Variants in EPHA3 observed in about 807,000 individuals in gnomAD.
EPHA3 encodes the protein EPH receptor A3.
In EPHA3, 42 loss-of-function variants were observed where a neutral mutation model predicts 107.1. That is an observed-to-expected ratio of 0.39 (90% CI 0.31 to 0.51). The LOEUF (loss-of-function observed/expected upper bound fraction) is 0.51. Ranked by LOEUF, EPHA3 falls within the 20% of genes least tolerant of loss-of-function variation. The probability of loss-of-function intolerance (pLI) is 0.78; values close to 1 mark genes in which losing one functional copy is unlikely to be tolerated. For synonymous variants in EPHA3, 461 were observed against 424.8 expected (o/e 1.09, Z -1.05); for missense variants, 1,183 against 1,211.2 (o/e 0.98, Z 0.35).
chr3:89,165,419 C>A (rs1705040219), intron 2 of EPHA3, among the ~76,000 whole-genome samples: 1 of 152,126 alleles, frequency 6.6e-6, no homozygotes, highest in Admixed American at 6.6e-5. Flanking sequence ...AAATGCAATG[C>A]AATGCAAATA....
intron 2 of EPHA3, among the ~76,000 whole-genome samples, chr3:89,183,230 C>A (rs1705485256): frequency 6.6e-6 from 1 of 151,930 alleles, no homozygotes; most frequent in African/African-American, 2.4e-5. Context: ...ATATTGTACA[C>A]ACAATTGAAA....
intron 3 of EPHA3, among the ~76,000 whole-genome samples, chr3:89,333,670 C>T (rs896465114): frequency 9.2e-5 from 14 of 151,970 alleles, no homozygotes; most frequent in Non-Finnish European, 1.6e-4. Flanking sequence ...GTCAGGAGTT[C>T]GAGACCAGCC....
At chr3:89,295,398 G>A (rs908586387) in intron 3 of EPHA3, among the ~76,000 whole-genome samples, 1 of 147,358 alleles carries the variant, frequency 6.8e-6, no homozygotes, top group East Asian at 2.0e-4. Flanking sequence ...CTTCAGCTGT[G>A]GCAATTTCTC....
At chr3:89,438,699 T>C (rs1054837923) in intron 13 of EPHA3, among the ~76,000 whole-genome samples, 3 of 152,184 alleles carry the variant, frequency 2.0e-5, no homozygotes, top group Admixed American at 6.5e-5. Context: ...GTCCTTCATA[T>C]AGTAACAGTA....
At chr3:89,255,316 T>C (rs964310938) in intron 3 of EPHA3, among the ~76,000 whole-genome samples, 1 of 152,194 alleles carries the variant, frequency 6.6e-6, no homozygotes, top group African/African-American at 2.4e-5. Context: ...TCTGGTTTCC[T>C]ATATCATGGC....
At chr3:89,322,542 G>A (rs933029597) in intron 3 of EPHA3, among the ~76,000 whole-genome samples, 5 of 152,082 alleles carry the variant, frequency 3.3e-5, no homozygotes, top group African/African-American at 1.2e-4. Flanking sequence ...TGTAAATGAA[G>A]GCTCCTTCCA....
chr3:89,316,508 ATATAT>A (rs1706908622), intron 3 of EPHA3, among the ~76,000 whole-genome samples: 80 of 62,792 alleles, frequency 1.3e-3, no homozygotes, highest in African/African-American at 6.0e-3. Context: ...TGTGTGTAAT[ATATAT>A]ATATATATAT....
chr3:89,146,062 T>C (rs1704551133), intron 2 of EPHA3, among the ~76,000 whole-genome samples: 1 of 151,902 alleles, frequency 6.6e-6, no homozygotes, highest in Non-Finnish European at 1.5e-5. Context: ...AACAGAGGTC[T>C]GAAAACATTA....
At chr3:89,266,489 A>G (rs1010104188) in intron 3 of EPHA3, among the ~76,000 whole-genome samples, 3 of 152,174 alleles carry the variant, frequency 2.0e-5, no homozygotes, top group Non-Finnish European at 2.9e-5. Context: ...CAATTTTAGC[A>G]TAACACATAA....
chr3:89,276,728 G>A (rs966757354), intron 3 of EPHA3, among the ~76,000 whole-genome samples: 4 of 151,958 alleles, frequency 2.6e-5, no homozygotes, highest in African/African-American at 9.7e-5. Flanking sequence ...ATTCTAATCC[G>A]AATAGCCTTC....
chr3:89,240,706 A>AT lies in EPHA3; in HGVS notation c.814+30193dup, dbSNP rs1385278077. On this transcript the variant is annotated intron_variant, in intron 3 of 16. Coordinates refer to ENST00000336596, the MANE Select transcript of EPHA3 (RefSeq NM_005233.6). ...CATTCGCATTCTAGTTAAAATTATG[A>AT]TTTTTTTGTCTATCTAACTAAACTA... is the stretch of plus-strand genomic sequence containing the variant. Among the ~76,000 whole-genome samples, 5 of 152,088 alleles carry AT rather than the reference A, an allele frequency of 3.3e-5. 1 individual carries two copies. The highest frequency in any genetic ancestry group is 4.1e-4 in the South Asian group (2 of 4,830).
chr3:89,449,293 C>A lies in EPHA3; in HGVS notation c.2415C>A (p.Ser805Arg), dbSNP rs754293208. ...AIAYRKFTSASDVWSYGIVLW... is the reference protein window; with the variant it reads ...AIAYRKFTSARDVWSYGIVLW... ...CCTACCGCAAGTTCACGTCAGCCAG[C>A]GATGTATGGAGTTATGGGATTGTTC... is the stretch of plus-strand genomic sequence containing the variant. Residue 805 changes from serine (S) to arginine (R), a missense_variant, in exon 14 of 17, where the codon AGC (serine) becomes AGA (arginine). Coordinates refer to ENST00000336596, the MANE Select transcript of EPHA3 (RefSeq NM_005233.6). 1.2e-6 allele frequency: 2 copies of A among 1,612,190 alleles called. No individual in the cohort carries two copies. Among genetic ancestry groups the A allele is most frequent in the Non-Finnish European group, 1.7e-6 (2 of 1,178,832 alleles).
chr3:89,179,683 G>A (rs199709378), intron 2 of EPHA3, among the ~76,000 whole-genome samples: 5 of 127,514 alleles, frequency 3.9e-5, no homozygotes, highest in Non-Finnish European at 5.1e-5. Context: ...AAAAAAAAAA[G>A]ATCTTCAAAA....
intron 3 of EPHA3, among the ~76,000 whole-genome samples, chr3:89,278,064 A>G (rs1420315861): frequency 6.6e-6 from 1 of 152,144 alleles, no homozygotes; most frequent in Non-Finnish European, 1.5e-5. Context: ...TACTTTCTGC[A>G]AGTTGCCTTT....
At chr3:89,342,852 TACACATACACACACACACAC>T (rs893670944) in intron 5 of EPHA3, among the ~76,000 whole-genome samples, 14 of 129,800 alleles carry the variant, frequency 1.1e-4, no homozygotes, top group African/African-American at 4.8e-4. Context: ...GTCTTATTTT[TACACATACACACACACACAC>T]ACACACACAC....
intron 13 of EPHA3, 46 bp downstream of exon 13, chr3:89,431,405 T>C: frequency 1.3e-6 from 2 of 1,512,324 alleles, no homozygotes; most frequent in Non-Finnish European, 1.8e-6. Context: ...TTTTCCATCT[T>C]GTATCATGTT....
At chr3:89,354,791 A>G (rs1393092288) in intron 5 of EPHA3, among the ~76,000 whole-genome samples, 2 of 151,232 alleles carry the variant, frequency 1.3e-5, no homozygotes, top group Non-Finnish European at 3.0e-5. Context: ...TAAGTGAATA[A>G]GTGTCTTGTC....
chr3:89,387,551 G>C (rs1708645654), intron 5 of EPHA3, among the ~76,000 whole-genome samples: 1 of 152,186 alleles, frequency 6.6e-6, no homozygotes, highest in South Asian at 2.1e-4. Context: ...AGAATGAACT[G>C]ATATAACCTC....
At chr3:89,313,176 T>C (rs890813461) in intron 3 of EPHA3, among the ~76,000 whole-genome samples, 4 of 152,032 alleles carry the variant, frequency 2.6e-5, no homozygotes, top group African/African-American at 7.2e-5. Context: ...ACAATATGCA[T>C]AGTAATCTTC....
Sources: gnomAD v4.1 joint callset for allele counts (sites outside exome capture counted in the v4.1 genomes callset) on GRCh38, gnomAD v4.1.1 for gene constraint, MANE v1.5 for transcripts, NCBI Gene and HGNC (gene_info 2026-07-23, HGNC 2026-07-21) for gene names.